UBE3D: variants seen among roughly 807,000 people sequenced by gnomAD.
The protein encoded by UBE3D is ubiquitin protein ligase E3D, also known as E3 ubiquitin-protein ligase E3D.
In UBE3D, 48 loss-of-function variants were observed where a neutral mutation model predicts 49.6. The ratio of observed to expected loss-of-function variants is 0.97; its 90% confidence interval spans 0.77 to 1.23. The LOEUF (loss-of-function observed/expected upper bound fraction) is 1.23. Among genes scored for constraint, UBE3D ranks in the 50% most tolerant of loss-of-function variants. The pLI is 0.00. For synonymous variants in UBE3D, 189 were observed against 174.2 expected (o/e 1.08, Z -0.67); for missense variants, 452 against 468.4 (o/e 0.96, Z 0.32).
intron 8 of UBE3D, among the ~76,000 whole-genome samples, chr6:83,011,576 G>A (rs1253317644): frequency 2.6e-5 from 4 of 152,156 alleles, no homozygotes; most frequent in African/African-American, 4.8e-5. Context: ...TACTTCCATT[G>A]TGGAGTAGTA....
At chr6:83,016,339 G>A (rs545045851) in intron 8 of UBE3D, among the ~76,000 whole-genome samples, 1 of 152,260 alleles carries the variant, frequency 6.6e-6, no homozygotes, top group Non-Finnish European at 1.5e-5. Flanking sequence ...TGCCTCTCAT[G>A]AGCGGTGAAT....
chr6:82,925,226 G>T (rs556440065), intron 9 of UBE3D: 1 of 152,066 alleles, frequency 6.6e-6, no homozygotes, highest in East Asian at 1.9e-4. Context: ...TTCAAAGAAG[G>T]AATATAAACC....
intron 8 of UBE3D, among the ~76,000 whole-genome samples, chr6:83,009,367 T>C (rs1780195141): frequency 6.6e-6 from 1 of 151,814 alleles, no homozygotes; most frequent in African/African-American, 2.4e-5. Context: ...AAACATTAAT[T>C]GTATGCTTTG....
chr6:82,979,392 C>T (rs935926595), intron 8 of UBE3D, among the ~76,000 whole-genome samples: 5 of 152,036 alleles, frequency 3.3e-5, no homozygotes, highest in Non-Finnish European at 5.9e-5. Context: ...AAATTTTGCT[C>T]CTCTGCAACA....
chr6:82,887,397 T>TTGTTTTGTTTTGTTTTG (rs1562053900), downstream of UBE3D, among the ~76,000 whole-genome samples: 19 of 145,726 alleles, frequency 1.3e-4, no homozygotes, highest in African/African-American at 4.9e-4. Context: ...CAGTTTTTTT[T>TTGTTTTGTTTTGTTTTG]TTTTTTTTTT....
In UBE3D at chr6:83,065,712, C is replaced by G; in HGVS notation, c.7G>C (p.Ala3Pro). Residue 3 changes from alanine (A) to proline (P), a missense_variant, in exon 1 of 10, where the codon GCT (alanine) becomes CCT (proline). By Grantham distance (27) the Ala-to-Pro change is conservative. Transcript: ENST00000369747. The stretch of plus-strand genomic sequence containing the variant: ...AACACGCGCGTCTCCGCCGCAGAAG[C>G]CGCCATGGCAGGCTTCCAGTCCCAG... The part of the protein sequence containing the change: MA[A>P]SAAETRVFLE... 1.2e-6 allele frequency: 2 copies of G among 1,611,386 alleles called. No homozygotes were observed. Among genetic ancestry groups the G allele is most frequent in the Non-Finnish European group, 1.7e-6 (2 of 1,178,908 alleles).
At chr6:83,013,576 C>T (rs1780494470) in intron 8 of UBE3D, among the ~76,000 whole-genome samples, 1 of 152,182 alleles carries the variant, frequency 6.6e-6, no homozygotes, top group Non-Finnish European at 1.5e-5. Flanking sequence ...GAGTAACACA[C>T]CCAAATGAGG....
At chr6:83,003,833 C>G (rs1005243223) in intron 8 of UBE3D, among the ~76,000 whole-genome samples, 10 of 152,112 alleles carry the variant, frequency 6.6e-5, no homozygotes, top group African/African-American at 2.4e-4. Flanking sequence ...ACTGTACTTA[C>G]AAGTCTAAAG....
chr6:83,008,424 C>T (rs1780126215), intron 8 of UBE3D, among the ~76,000 whole-genome samples: 1 of 152,004 alleles, frequency 6.6e-6, no homozygotes. Context: ...AATTATTTCC[C>T]CAATACAAAA....
intron 8 of UBE3D, among the ~76,000 whole-genome samples, chr6:82,991,401 T>C (rs1778873755): frequency 6.6e-6 from 1 of 152,168 alleles, no homozygotes; most frequent in Non-Finnish European, 1.5e-5. Context: ...TCACTGTTCC[T>C]AGCACCATAA....
chr6:82,915,523 T>C (rs1772853503), intron 9 of UBE3D, among the ~76,000 whole-genome samples: 1 of 152,208 alleles, frequency 6.6e-6, no homozygotes. Flanking sequence ...TAGCTTCACC[T>C]GCCTCACTGA....
At chr6:83,021,131 T>C (rs569919823) in intron 7 of UBE3D, among the ~76,000 whole-genome samples, 3 of 152,108 alleles carry the variant, frequency 2.0e-5, no homozygotes, top group African/African-American at 7.2e-5. Flanking sequence ...CAGAGGCAAT[T>C]AAAAACAACA....
intron 8 of UBE3D, among the ~76,000 whole-genome samples, chr6:82,976,022 T>C (rs1307512884): frequency 6.6e-6 from 1 of 152,180 alleles, no homozygotes; most frequent in East Asian, 1.9e-4. Context: ...AAAAAATGTT[T>C]TTTAAGTGCC....
intron 9 of UBE3D, among the ~76,000 whole-genome samples, chr6:82,949,995 A>G (rs1004197451): frequency 6.6e-6 from 1 of 152,210 alleles, no homozygotes; most frequent in Admixed American, 6.5e-5. Flanking sequence ...ACAGGCAACT[A>G]AAGTAAAATG....
intron 8 of UBE3D, 101 bp from the exon 9 acceptor site, chr6:82,957,551 A>C: frequency 7.5e-7 from 1 of 1,327,976 alleles, no homozygotes; most frequent in Non-Finnish European, 1.0e-6. Flanking sequence ...GAAAAAGGCA[A>C]AGTACAAAAA....
intron 9 of UBE3D, among the ~76,000 whole-genome samples, chr6:82,955,518 C>T (rs987155812): frequency 1.3e-5 from 2 of 152,174 alleles, no homozygotes; most frequent in African/African-American, 4.8e-5. Context: ...TTGTCTCTCC[C>T]TCCATGAACA....
the UBE3D span, among the ~76,000 whole-genome samples, chr6:82,885,281 T>G: frequency 6.6e-6 from 1 of 152,212 alleles, no homozygotes; most frequent in African/African-American, 2.4e-5. Flanking sequence ...TCAACCTACC[T>G]TGTGCTCTGC....
chr6:82,993,859 C>G (rs1779063718), intron 8 of UBE3D, among the ~76,000 whole-genome samples: 1 of 152,206 alleles, frequency 6.6e-6, no homozygotes, highest in Non-Finnish European at 1.5e-5. Context: ...ACCTAGGGTT[C>G]TCATGAAAAA....
Position 82,966,490 on chromosome 6 carries a change from A to T in UBE3D, c.1011-9040T>A, listed in dbSNP as rs1322537118. ...ACGGTGAAACCCCGTCTCTACTAAAAATACAAAAAATTAGCCGGGCGTAGT... is the reference window on the plus strand; with the variant it reads ...ACGGTGAAACCCCGTCTCTACTAAATATACAAAAAATTAGCCGGGCGTAGT... On this transcript the variant is annotated intron_variant, in intron 8 of 9. Coordinates refer to ENST00000369747, the MANE Select transcript of UBE3D (RefSeq NM_198920.3). 2.5e-5 allele frequency among the ~76,000 whole-genome samples: 3 copies of T among 121,518 alleles called. 1 individual carries two copies. Among genetic ancestry groups the T allele is most frequent in the Non-Finnish European group, 5.1e-5 (3 of 58,578 alleles). The allele number at this position is 121,518 out of a possible 152,430, so 79.7% of individuals were successfully genotyped here.
Sources: gnomAD v4.1 joint callset for allele counts (sites outside exome capture counted in the v4.1 genomes callset) on GRCh38, gnomAD v4.1.1 for gene constraint, MANE v1.5 for transcripts, NCBI Gene and HGNC (gene_info 2026-07-23, HGNC 2026-07-21) for gene names.